The following MBD2 variants were observed in gnomAD, a reference collection of about 807,000 sequenced individuals.
MBD2 encodes the protein methyl-CpG binding domain protein 2, also known as methyl-CpG-binding domain protein 2.
Under a neutral mutation model 39.3 loss-of-function variants are expected in MBD2, and 9 were observed. The ratio of observed to expected loss-of-function variants is 0.23; its 90% confidence interval spans 0.14 to 0.40. The LOEUF (loss-of-function observed/expected upper bound fraction) is 0.40. MBD2 is among the 10% of genes least tolerant of loss of function. The pLI, the probability that MBD2 is intolerant of heterozygous loss-of-function variation, is 1.00. For synonymous variants in MBD2, 233 were observed against 211.1 expected, an observed-to-expected ratio of 1.10 and a Z score of -0.90; for missense variants, 458 against 532.6, an observed-to-expected ratio of 0.86 and a Z score of 1.38.
intron 2 of MBD2, among the ~76,000 whole-genome samples, chr18:54,200,577 G>A (rs116502318): frequency 0.011 from 1,695 of 152,244 alleles, 43 homozygotes; most frequent in African/African-American, 0.039. Context: ...TGCTAAAAAT[G>A]TTGACAGTCA....
chr18:54,169,076 T>A (rs1380691422), intron 3 of MBD2, among the ~76,000 whole-genome samples: 2 of 152,144 alleles, frequency 1.3e-5, no homozygotes, highest in Admixed American at 6.5e-5. Flanking sequence ...GGAAAACCTA[T>A]AGGGAAGGTT....
intron 2 of MBD2, chr18:54,203,196 CTT>C (rs1324991532): frequency 2.0e-6 from 3 of 1,508,550 alleles, no homozygotes; most frequent in Non-Finnish European, 1.8e-6. Context: ...GCACATTACA[CTT>C]AACATAACTA....
intron 6 of MBD2, 157 bp downstream of exon 6, chr18:54,159,608 G>A (rs2086079988): frequency 4.4e-6 from 3 of 687,078 alleles, no homozygotes; most frequent in East Asian, 2.7e-5. Context: ...GGGTAGAGAT[G>A]GGGTTTTGCC....
intron 3 of MBD2, among the ~76,000 whole-genome samples, chr18:54,183,947 G>T (rs2086266932): frequency 6.6e-6 from 1 of 152,002 alleles, no homozygotes; most frequent in African/African-American, 2.4e-5. Context: ...TAGGCCACCA[G>T]GATATTCCTT....
chr18:54,207,452 CAAT>C (rs2086459581), intron 1 of MBD2, among the ~76,000 whole-genome samples: 1 of 152,192 alleles, frequency 6.6e-6, no homozygotes. Flanking sequence ...AGTCAAACAA[CAAT>C]GCCACTCTTA....
chr18:54,221,398 T>TG (rs1314295406), intron 1 of MBD2, among the ~76,000 whole-genome samples: 5 of 148,318 alleles, frequency 3.4e-5, no homozygotes, highest in African/African-American at 5.0e-5. Context: ...GCAGGGCTTG[T>TG]AGTGAGCCAA....
chr18:54,202,895 A>G, intron 2 of MBD2: 2 of 1,157,626 alleles, frequency 1.7e-6, no homozygotes, highest in Non-Finnish European at 2.6e-6. Context: ...CCAGGGAAGC[A>G]TTATGGAGGA....
In MBD2 at chr18:54,195,040, G is replaced by GA. The variant is rs563228909; in HGVS notation, c.703-6030dup. 1.4e-3 allele frequency among the ~76,000 whole-genome samples: 209 copies of GA among 152,076 alleles called. 8 individuals carry two copies. In the South Asian group the frequency reaches 0.042, roughly 31 times the overall value. The stretch of plus-strand genomic sequence containing the variant: ...AGGTTGACTATAAAGGAGAATTACA[G>GA]AAAAAATAATGTGTACTTCTATCAC... On this transcript the variant is annotated intron_variant, in intron 2 of 6. Coordinates refer to ENST00000256429, the MANE Select transcript of MBD2 (RefSeq NM_003927.5).
intron 1 of MBD2, among the ~76,000 whole-genome samples, chr18:54,206,376 G>A (rs566071816): frequency 3.8e-4 from 58 of 152,282 alleles, no homozygotes; most frequent in African/African-American, 1.3e-3. Flanking sequence ...AAATGTGCTA[G>A]AACAAAGTCA....
chr18:54,170,301 C>A (rs994787488), intron 3 of MBD2, among the ~76,000 whole-genome samples: 2 of 152,158 alleles, frequency 1.3e-5, no homozygotes, highest in African/African-American at 4.8e-5. Context: ...GTAAAATGAA[C>A]CCACGATAGC....
intron 6 of MBD2, among the ~76,000 whole-genome samples, chr18:54,156,305 T>G (rs1352000859): frequency 6.6e-6 from 1 of 152,236 alleles, no homozygotes; most frequent in African/African-American, 2.4e-5. Context: ...AATGCCATTC[T>G]CAAGTTGGGA....
chr18:54,171,660 A>C (rs1432356476), intron 3 of MBD2, among the ~76,000 whole-genome samples: 1 of 152,200 alleles, frequency 6.6e-6, no homozygotes, highest in Non-Finnish European at 1.5e-5. Flanking sequence ...ACCCAGTGAA[A>C]CTATGCCCAG....
intron 2 of MBD2, among the ~76,000 whole-genome samples, chr18:54,201,723 C>T (rs527602666): frequency 5.3e-5 from 8 of 152,026 alleles, no homozygotes; most frequent in East Asian, 1.9e-4. Context: ...ATTAGCCGGG[C>T]GTGGTGGCGG....
Position 54,224,326 on chromosome 18 carries a change from C to A in MBD2, c.234G>T (p.Arg78=), listed in dbSNP as rs1278698539. The change falls in exon 1 of 7, where the codon CGG becomes CGT. Residue 78 remains arginine (R), a synonymous_variant. Transcript: ENST00000256429. ...CCCGTCCCCGGCCACGGCCCCGGCC[C>A]CGGCCACGGCCACAGACGCCGCCGC... is the stretch of plus-strand genomic sequence containing the variant. ...GRGGGVCGRG[R]GRGRGRGRGR... The A allele has an allele frequency of 1.5e-5, 15 of 1,010,162 alleles. No homozygotes were observed. The highest frequency in any genetic ancestry group is 8.9e-5 in the East Asian group (1 of 11,220). 62.6% of individuals were successfully genotyped at this position (1,010,162 alleles called of 1,614,324 possible).
intron 2 of MBD2, among the ~76,000 whole-genome samples, chr18:54,203,463 C>A (rs961102011): frequency 1.3e-5 from 2 of 152,188 alleles, no homozygotes; most frequent in African/African-American, 4.8e-5. Context: ...GCTATTCTTA[C>A]CTTTCTTAAC....
intron 1 of MBD2, among the ~76,000 whole-genome samples, chr18:54,211,425 A>ACGC (rs2086506509): frequency 1.4e-5 from 2 of 143,366 alleles, no homozygotes; most frequent in African/African-American, 5.0e-5. Context: ...GCACACACGC[A>ACGC]AGCACGCACG....
At chr18:54,183,054 G>A (rs564895436) in intron 3 of MBD2, among the ~76,000 whole-genome samples, 1 of 152,214 alleles carries the variant, frequency 6.6e-6, no homozygotes, top group East Asian at 1.9e-4. Context: ...CTAAATAGAC[G>A]CTTGGGGTGA....
chr18:54,211,147 A>C (rs1190893113), intron 1 of MBD2, among the ~76,000 whole-genome samples: 1 of 152,036 alleles, frequency 6.6e-6, no homozygotes, highest in Non-Finnish European at 1.5e-5. Flanking sequence ...CTGGGATTAC[A>C]GACGTGAGCC....
chr18:54,185,396 A>G (rs565771665), intron 3 of MBD2, among the ~76,000 whole-genome samples: 1 of 152,322 alleles, frequency 6.6e-6, no homozygotes, highest in Admixed American at 6.5e-5. Flanking sequence ...CAAAAACACA[A>G]AAGCCTTTTA....
Sources: gnomAD v4.1 joint callset for allele counts (sites outside exome capture counted in the v4.1 genomes callset) on GRCh38, gnomAD v4.1.1 for gene constraint, MANE v1.5 for transcripts, NCBI Gene and HGNC (gene_info 2026-07-23, HGNC 2026-07-21) for gene names.